FIG4: variants seen among roughly 807,000 people sequenced by gnomAD.
The protein encoded by FIG4 is polyphosphoinositide phosphatase.
Under a neutral mutation model 118.6 loss-of-function variants are expected in FIG4, and 112 were observed. That is an observed-to-expected ratio of 0.94 (90% CI 0.81 to 1.11). The LOEUF is 1.11. Ranked by LOEUF, FIG4 falls within the 50% of genes least tolerant of loss-of-function variation. FIG4 has a pLI of 0.00. For missense variants in FIG4, 969 were observed against 1,111.7 expected (o/e 0.87, Z 1.83); for synonymous variants, 369 against 381.2 (o/e 0.97, Z 0.37).
rs528008492 is a variant in FIG4, at chr6:109,756,696, T to C, written c.1138-3554T>C. Among the ~76,000 whole-genome samples, 761 of 152,334 alleles carry C rather than the reference T, an allele frequency of 5.0e-3. 7 individuals are homozygous for C. The highest frequency in any genetic ancestry group is 0.037 in the Middle Eastern group (11 of 294). On this transcript the variant is annotated intron_variant, in intron 10 of 22. Transcript: ENST00000230124. The stretch of plus-strand genomic sequence containing the variant: ...TTCATTTCATTCATTTCATCTTCCA[T>C]CACTGATACCCTTTCTTCCAGTTGA...
chr6:109,750,115 G>A (rs528858788), intron 10 of FIG4, among the ~76,000 whole-genome samples: 1 of 152,296 alleles, frequency 6.6e-6, no homozygotes, highest in South Asian at 2.1e-4. Context: ...AGTTAATAAA[G>A]CGAAATGCTT....
intron 22 of FIG4, among the ~76,000 whole-genome samples, chr6:109,821,061 G>T (rs890695075): frequency 1.3e-5 from 2 of 152,194 alleles, no homozygotes; most frequent in African/African-American, 4.8e-5. Flanking sequence ...TTTTTGGTGA[G>T]TTCTGAAAGG....
Position 109,738,429 on chromosome 6 carries a change from A to G in FIG4, c.751A>G (p.Ile251Val). ...GCATCGTGACTGGCTTTTGTATATT[A>G]TTCATGGGTTCTGTGGGCAGTCAAG... ...TVHRDWLLYI[I>V]HGFCGQSKLL... is the part of the protein sequence containing the mutation. Residue 251 changes from isoleucine to valine, a missense_variant, in exon 7 of 23, where the codon ATT becomes GTT. Ile to Val is a conservative substitution (Grantham distance 29, BLOSUM62 3). Around this residue, in one of 3 missense-constraint regions of FIG4, gnomAD observed 393 missense variants for 409.4 expected, o/e 0.96. Coordinates refer to ENST00000230124, the MANE Select transcript of FIG4 (RefSeq NM_014845.6). 1 of 1,612,840 alleles carries G rather than the reference A, an allele frequency of 6.2e-7. No individual in the cohort carries two copies. The highest frequency in any genetic ancestry group is 8.5e-7 in the Non-Finnish European group (1 of 1,179,114).
At chr6:109,799,263 G>T (rs1778367970) in intron 22 of FIG4, among the ~76,000 whole-genome samples, 1 of 152,212 alleles carries the variant, frequency 6.6e-6, no homozygotes, top group Non-Finnish European at 1.5e-5. Context: ...CTGTCATAAT[G>T]GTGTTTTTAC....
chr6:109,808,350 C>CAAAAAAAAAAAAAAAAAA (rs55948419), intron 22 of FIG4, among the ~76,000 whole-genome samples: 4 of 67,058 alleles, frequency 6.0e-5, no homozygotes, highest in Non-Finnish European at 8.0e-5. Context: ...ACACTCACAG[C>CAAAAAAAAAAAAAAAAAA]AAAAAAAAAA....
At chr6:109,763,127 C>G (rs1442025495) in intron 12 of FIG4, among the ~76,000 whole-genome samples, 4 of 152,206 alleles carry the variant, frequency 2.6e-5, no homozygotes, top group African/African-American at 9.7e-5. Context: ...CATAGGCAGC[C>G]TCTGCCTGAC....
intron 1 of FIG4, among the ~76,000 whole-genome samples, chr6:109,713,218 G>A (rs1444720514): frequency 6.6e-6 from 1 of 152,228 alleles, no homozygotes; most frequent in African/African-American, 2.4e-5. Context: ...GCATGTGCCA[G>A]TGGCAGCGAA....
At chr6:109,785,277 A>G (rs890924033) in intron 17 of FIG4, among the ~76,000 whole-genome samples, 8 of 152,160 alleles carry the variant, frequency 5.3e-5, no homozygotes, top group Non-Finnish European at 1.0e-4. Flanking sequence ...TACAATTATT[A>G]TGTGTCTGTC....
At chr6:109,820,314 T>C (rs1778969505) in intron 22 of FIG4, among the ~76,000 whole-genome samples, 1 of 152,168 alleles carries the variant, frequency 6.6e-6, no homozygotes, top group Admixed American at 6.6e-5. Context: ...TTAAAACATT[T>C]CTCTAACTCT....
intron 19 of FIG4, among the ~76,000 whole-genome samples, 182 bp from the exon 20 acceptor site, chr6:109,791,194 G>T (rs956515548): frequency 3.9e-5 from 6 of 152,066 alleles, no homozygotes; most frequent in African/African-American, 1.4e-4. Flanking sequence ...TTCATATAAG[G>T]TCAGTGCATG....
intron 22 of FIG4, among the ~76,000 whole-genome samples, chr6:109,811,119 T>G (rs182921568): frequency 5.9e-5 from 9 of 152,290 alleles, no homozygotes; most frequent in Non-Finnish European, 1.5e-5. Flanking sequence ...ACTGGGAGTA[T>G]TTATCTCAGA....
chr6:109,792,221 G>A (rs1316436398), intron 20 of FIG4, among the ~76,000 whole-genome samples: 2 of 152,210 alleles, frequency 1.3e-5, no homozygotes, highest in Admixed American at 6.5e-5. Flanking sequence ...CATTGTATGT[G>A]ACTACGTTTG....
At chr6:109,789,531 G>A (rs1691691906) in intron 18 of FIG4, 63 bp from the exon 19 acceptor site, 1 of 1,177,074 alleles carries the variant, frequency 8.5e-7, no homozygotes, top group South Asian at 1.2e-5. Context: ...GAACTGAGAT[G>A]GAAGCCAATA....
chr6:109,769,564 TAATC>T (rs779290936), intron 15 of FIG4, among the ~76,000 whole-genome samples: 206 of 152,134 alleles, frequency 1.4e-3, no homozygotes, highest in Non-Finnish European at 2.0e-3. Flanking sequence ...TTGCAAAACT[TAATC>T]AATCTTTTCA....
At chr6:109,788,864 T>C (rs1471638445) in intron 18 of FIG4, among the ~76,000 whole-genome samples, 1 of 152,224 alleles carries the variant, frequency 6.6e-6, no homozygotes, top group Non-Finnish European at 1.5e-5. Flanking sequence ...CCTGGAACTG[T>C]TGCGTTTTTG....
rs540161297 is a variant in FIG4 at position 109,704,162 on chromosome 6, A to G, written c.67-10916A>G. Among the ~76,000 whole-genome samples, 35 of 152,270 alleles carry G rather than the reference A, an allele frequency of 2.3e-4. 1 individual carries two copies. Among genetic ancestry groups the G allele is most frequent in the African/African-American group, 8.2e-4 (34 of 41,548 alleles). ...ACATCAGTAAGTGGCACCATCATCT[A>G]GCTATCTGCTTAAAGGTAATTGGAT... On this transcript the variant is annotated intron_variant, in intron 1 of 22. Coordinates refer to ENST00000230124, the MANE Select transcript of FIG4 (RefSeq NM_014845.6).
Position 109,825,370 on chromosome 6 carries a change from T to A in FIG4, c.*105T>A. On this transcript the variant is annotated 3_prime_UTR_variant, in exon 23 of 23. Transcript: ENST00000230124. ...AAAAGTCCTTTGCGTCTGAAGCCTT[T>A]CTCCTTTTCTGTCACTTGCAAATTC... 9.4e-7 allele frequency: 1 copy of A among 1,063,506 alleles called. No homozygotes were observed. The highest frequency in any genetic ancestry group is 1.4e-6 in the Non-Finnish European group (1 of 705,844). The allele number at this position is 1,063,506 out of a possible 1,614,324, so 65.9% of individuals were successfully genotyped here. A position where few individuals can be genotyped will look rare whatever the true frequency, so the allele number is the denominator to read the frequency against.
At chr6:109,796,461 C>T (rs559395619) in intron 21 of FIG4, among the ~76,000 whole-genome samples, 26 of 152,336 alleles carry the variant, frequency 1.7e-4, no homozygotes, top group African/African-American at 6.3e-4. Flanking sequence ...TTCCTGGCTT[C>T]AGGAACATTT....
chr6:109,822,912 G>GTA (rs143212020), intron 22 of FIG4, among the ~76,000 whole-genome samples: 3,453 of 145,896 alleles, frequency 0.024, 60 homozygotes, highest in East Asian at 0.11. Context: ...TAGTGTGTGT[G>GTA]TATATATATA....
Sources: allele counts gnomAD v4.1 joint callset (sites outside exome capture counted in the v4.1 genomes callset), GRCh38; gene constraint gnomAD v4.1.1; regional missense constraint gnomAD v4.1.1; transcripts MANE v1.5; gene names NCBI Gene and HGNC (gene_info 2026-07-23, HGNC 2026-07-21).